IFT140: variants seen among roughly 807,000 people sequenced by gnomAD.
IFT140 encodes the protein intraflagellar transport protein 140 homolog.
IFT140 carries 133 observed loss-of-function variants against 164.6 expected under a neutral mutation model. The ratio of observed to expected loss-of-function variants is 0.81; its 90% CI spans 0.70 to 0.93. IFT140 has a LOEUF of 0.93. IFT140 is among the 40% of genes least tolerant of loss of function. The pLI, the probability that IFT140 is intolerant of heterozygous loss-of-function variation, is 0.00. For synonymous variants in IFT140, 860 were observed against 817.3 expected, an observed-to-expected ratio of 1.05 and a Z score of -0.89; for missense variants, 2,045 against 1,972.3, an observed-to-expected ratio of 1.04 and a Z score of -0.70.
chr16:1,534,200 G>A (rs1469772955), intron 19 of IFT140: 9 of 1,571,236 alleles, frequency 5.7e-6, no homozygotes, highest in African/African-American at 2.7e-5. Context: ...CCCTAGCAGC[G>A]TCGGCTCTCC....
chr16:1,518,028 G>A (rs759070172), intron 30 of IFT140, 188 bp downstream of exon 30: 38 of 528,388 alleles, frequency 7.2e-5, no homozygotes, highest in Non-Finnish European at 1.2e-4. Flanking sequence ...TGTAGAGATG[G>A]GGTTTCACCA....
intron 19 of IFT140, 66 bp from the exon 20 acceptor site, chr16:1,526,862 C>G: frequency 6.7e-7 from 1 of 1,501,180 alleles, no homozygotes; most frequent in Non-Finnish European, 8.9e-7. Flanking sequence ...CCCTACGGCC[C>G]CTTCTCCTGG....
intron 3 of IFT140, among the ~76,000 whole-genome samples, chr16:1,603,499 T>C (rs1184385454): frequency 6.6e-6 from 1 of 151,908 alleles, no homozygotes; most frequent in African/African-American, 2.4e-5. Flanking sequence ...TTTTTTTTTC[T>C]GAGATGGATT....
rs760349880 is a variant in IFT140 at position 1,524,682 on chromosome 16, G to A, written c.3011C>T (p.Ala1004Val). The change falls in exon 24 of 31, where the codon GCC (alanine) becomes GTC (valine). Residue 1004 changes from alanine (A) to valine (V), a missense_variant. By Grantham distance (64) the Ala-to-Val change is moderately conservative (BLOSUM62 0). Transcript: ENST00000426508. Reference sequence around the variant, plus strand: ...GGCCGCCAGGTTTCCTGTCTCGTTGGCTATTTGCGCAGCCTAGAAAGACAA... The same window carrying A: ...GGCCGCCAGGTTTCCTGTCTCGTTGACTATTTGCGCAGCCTAGAAAGACAA... ...QGNVQKAAQI[A>V]NETGNLAASY... is the part of the protein sequence containing the mutation. 1.3e-6 allele frequency: 2 copies of A among 1,574,556 alleles called. No homozygotes were observed. The highest frequency in any genetic ancestry group is 1.7e-6 in the Non-Finnish European group (2 of 1,154,952).
At chr16:1,517,111 C>T (rs1281265796) in intron 30 of IFT140, among the ~76,000 whole-genome samples, 1 of 152,168 alleles carries the variant, frequency 6.6e-6, no homozygotes, top group East Asian at 1.9e-4. Context: ...TGGCTCACGC[C>T]TGTAATCCCA....
chr16:1,545,941 T>C (rs1265889373), intron 19 of IFT140, among the ~76,000 whole-genome samples: 1 of 152,216 alleles, frequency 6.6e-6, no homozygotes, highest in Admixed American at 6.5e-5. Context: ...AGCTGAAATG[T>C]GCGGGGACCC....
At chr16:1,562,671 C>T (rs1424584089) in intron 17 of IFT140, among the ~76,000 whole-genome samples, 1 of 152,098 alleles carries the variant, frequency 6.6e-6, no homozygotes, top group Non-Finnish European at 1.5e-5. Flanking sequence ...ACTTGGTAGT[C>T]TGAGGCAGGA....
At chr16:1,537,337 T>C (rs1044588749) in intron 19 of IFT140, among the ~76,000 whole-genome samples, 2 of 152,246 alleles carry the variant, frequency 1.3e-5, no homozygotes, top group Non-Finnish European at 2.9e-5. Flanking sequence ...CTCTGTGCCC[T>C]GAGGCCCTGC....
rs544748723 is a variant in IFT140 at position 1,528,577 on chromosome 16, G to A, written c.2400-1781C>T. 35 of 154,968 alleles carry A rather than the reference G, an allele frequency of 2.3e-4. 1 individual carries two copies. The South Asian group carries it at 6.4e-3, about 28-fold the overall frequency. 9.6% of individuals were successfully genotyped at this position (154,968 alleles called of 1,614,324 possible). On this transcript the variant is annotated intron_variant, in intron 19 of 30. Coordinates refer to ENST00000426508, the MANE Select transcript of IFT140 (RefSeq NM_014714.4). ...CACACACGCACACACATGCACGCAC[G>A]TACTCCCACAAGCACAGGCAGCACA...
rs1040286409 is a variant in IFT140, at chr16:1,610,766, C to A, written c.-134G>T. ...GAGGCGGCCCCGAGGACTCCCGAAGCGCCCCGAGCGGCCGGAAAGAGCCGA... is the reference window on the plus strand; with the variant it reads ...GAGGCGGCCCCGAGGACTCCCGAAGAGCCCCGAGCGGCCGGAAAGAGCCGA... On this transcript the variant is annotated 5_prime_UTR_variant, in exon 2 of 31. Coordinates refer to ENST00000426508, the MANE Select transcript of IFT140 (RefSeq NM_014714.4). 1 of 153,532 alleles carries A rather than the reference C, an allele frequency of 6.5e-6. No homozygotes were observed. Among genetic ancestry groups the A allele is most frequent in the African/African-American group, 2.4e-5 (1 of 41,506 alleles). The allele number at this position is 153,532 out of a possible 1,614,324, so 9.5% of individuals were successfully genotyped here. A position where few individuals can be genotyped will look rare whatever the true frequency, so the allele number is the denominator to read the frequency against.
chr16:1,581,238 A>G (rs118028418), intron 12 of IFT140, among the ~76,000 whole-genome samples: 1 of 152,214 alleles, frequency 6.6e-6, no homozygotes, highest in East Asian at 1.9e-4. Flanking sequence ...CCCTGGACCT[A>G]ACTATTAGGG....
At position 1,523,574 on chromosome 16, in the gene IFT140, A is replaced by G. The variant is rs772127343; in HGVS notation, c.3397T>C (p.Phe1133Leu). 1.2e-6 allele frequency: 2 copies of G among 1,613,724 alleles called. No individual in the cohort carries two copies. The highest frequency in any genetic ancestry group is 2.2e-5 in the South Asian group (2 of 91,082). Residue 1133 changes from phenylalanine (F) to leucine (L), a missense_variant, in exon 26 of 31, where the codon TTC becomes CTC. Physicochemically the swap from Phe to Leu is conservative, Grantham distance 22 (BLOSUM62 0). Coordinates refer to ENST00000426508, the MANE Select transcript of IFT140 (RefSeq NM_014714.4). The stretch of plus-strand genomic sequence containing the variant: ...CTCTCGTACTGACTGTGCTCGATGA[A>G]GAAGTCGGAGCAGCGGGCCAGGAGC... ...PALLARCSDF[F>L]IEHSQYERAV...
rs1387346251 is a variant in IFT140, at chr16:1,518,321, C to A, written c.4077G>T (p.Gln1359His). The A allele has an allele frequency of 1.2e-6, 2 of 1,614,122 alleles. No homozygotes were observed. Among genetic ancestry groups the A allele is most frequent in the Non-Finnish European group, 1.7e-6 (2 of 1,180,030 alleles). The change falls in exon 30 of 31, where the codon CAG (glutamine) becomes CAT (histidine). Residue 1359 changes from glutamine to histidine, a missense_variant. Coordinates refer to ENST00000426508, the MANE Select transcript of IFT140 (RefSeq NM_014714.4). Reference protein sequence around the residue: ...YTEDPKESIKQCELLLEEPDL... With the variant: ...YTEDPKESIKHCELLLEEPDL... Reference sequence around the variant, plus strand: ...CTGGTTCCTCCAGGAGCAGCTCACACTGCTTGATGGACTCCTTGGGGTCCT... The same window carrying A: ...CTGGTTCCTCCAGGAGCAGCTCACAATGCTTGATGGACTCCTTGGGGTCCT...
rs372303683 is a variant in IFT140, at chr16:1,510,826, C to T, written c.*118G>A. On this transcript the variant is annotated 3_prime_UTR_variant, in exon 31 of 31. Coordinates refer to ENST00000426508, the MANE Select transcript of IFT140 (RefSeq NM_014714.4). ...GCTGCGTTCTCGCCCAGCTCTGTCG[C>T]GTATTCCAACACAGACATGTTTTTT... 49 of 952,492 alleles carry T rather than the reference C, an allele frequency of 5.1e-5. No individual in the cohort carries two copies. Among genetic ancestry groups the T allele is most frequent in the Non-Finnish European group, 5.3e-5 (33 of 616,882 alleles). The allele number at this position is 952,492 out of a possible 1,614,324, so 59.0% of individuals were successfully genotyped here.
chr16:1,535,811 GGACCAACAGCCGTCTTTTAAAAA>G (rs1347820189), intron 19 of IFT140, among the ~76,000 whole-genome samples: 6 of 152,210 alleles, frequency 3.9e-5, no homozygotes, highest in Non-Finnish European at 7.3e-5. Flanking sequence ...TCACCAGCAG[GGACCAACAGCCGTCTTTTAAAAA>G]GATCAAAGCC....
At chr16:1,555,199 A>G (rs1395799651) in intron 19 of IFT140, 6 of 829,262 alleles carry the variant, frequency 7.2e-6, no homozygotes, top group African/African-American at 1.7e-5. Context: ...TATGTCGGTC[A>G]TATGTCTGTA....
At chr16:1,567,548 T>A (rs1339945031) in intron 15 of IFT140, among the ~76,000 whole-genome samples, 1 of 152,222 alleles carries the variant, frequency 6.6e-6, no homozygotes, top group Admixed American at 6.5e-5. Flanking sequence ...ACGTGCCTCC[T>A]TCCCTGCTCA....
chr16:1,575,817 G>A (rs1191174502), intron 13 of IFT140, among the ~76,000 whole-genome samples: 3 of 150,548 alleles, frequency 2.0e-5, no homozygotes, highest in African/African-American at 7.3e-5. Flanking sequence ...TCATGCCACT[G>A]GCCCTCTCCC....
Position 1,534,497 on chromosome 16 carries a change from G to C in IFT140, c.2400-7701C>G. ...GCCAGGTGGACGCACATGACTGTGA[G>C]GCGCTGGGCTGGGGCTCCGAGGCAG... On this transcript the variant is annotated intron_variant, in intron 19 of 30. Coordinates refer to ENST00000426508, the MANE Select transcript of IFT140 (RefSeq NM_014714.4). 6.2e-7 allele frequency: 1 copy of C among 1,609,572 alleles called. No individual in the cohort carries two copies. Among genetic ancestry groups the C allele is most frequent in the Non-Finnish European group, 8.5e-7 (1 of 1,179,878 alleles).
Sources: allele counts gnomAD v4.1 joint callset (sites outside exome capture counted in the v4.1 genomes callset), GRCh38; gene constraint gnomAD v4.1.1; transcripts MANE v1.5; gene names NCBI Gene and HGNC (gene_info 2026-07-23, HGNC 2026-07-21).